The following ORC4 variants were observed in gnomAD, a reference collection of about 807,000 sequenced individuals.
ORC4 encodes origin recognition complex, subunit 4 homolog.
Under a neutral mutation model 63.9 loss-of-function variants are expected in ORC4, and 55 were observed. The ratio of observed to expected loss-of-function variants is 0.86; its 90% CI spans 0.69 to 1.08. The LOEUF is 1.08. ORC4 is among the 50% of genes least tolerant of loss of function. The pLI is 0.00. For synonymous variants in ORC4, 150 were observed against 168.5 expected (o/e 0.89, Z 0.85); for missense variants, 511 against 504.4 (o/e 1.01, Z -0.13).
chr2:147,999,625 A>T (rs1270508192), intron 1 of ORC4, among the ~76,000 whole-genome samples: 9 of 152,096 alleles, frequency 5.9e-5, no homozygotes, highest in Non-Finnish European at 1.2e-4. Flanking sequence ...ACTGACCTAA[A>T]GGCAGAAGCT....
intron 1 of ORC4, among the ~76,000 whole-genome samples, chr2:147,992,900 C>T (rs1197544339): frequency 6.6e-6 from 1 of 152,156 alleles, no homozygotes; most frequent in East Asian, 1.9e-4. Context: ...ATATATTACT[C>T]TAATGTTCCC....
At chr2:147,984,977 G>A (rs1010085413) in intron 1 of ORC4, among the ~76,000 whole-genome samples, 2 of 152,022 alleles carry the variant, frequency 1.3e-5, no homozygotes, top group African/African-American at 2.4e-5. Flanking sequence ...GCTTTCCAAG[G>A]GTTGCTTGTT....
At chr2:147,992,646 A>C (rs1235020298) in intron 1 of ORC4, among the ~76,000 whole-genome samples, 1 of 152,184 alleles carries the variant, frequency 6.6e-6, no homozygotes, top group Non-Finnish European at 1.5e-5. Flanking sequence ...TATTCAAATA[A>C]ATTTTTCCTT....
intron 4 of ORC4, among the ~76,000 whole-genome samples, chr2:147,969,486 T>C (rs959465271): frequency 2.0e-5 from 3 of 152,008 alleles, no homozygotes; most frequent in Admixed American, 6.6e-5. Flanking sequence ...AAATAAATGT[T>C]TTGAGCTATT....
chr2:148,008,109 A>G (rs1283847279), intron 1 of ORC4, among the ~76,000 whole-genome samples: 2 of 152,214 alleles, frequency 1.3e-5, no homozygotes, highest in African/African-American at 4.8e-5. Context: ...ATAAAAGCTG[A>G]GGGATTTCAT....
At chr2:147,945,344 G>A (rs952178879) in intron 9 of ORC4, among the ~76,000 whole-genome samples, 26 of 151,708 alleles carry the variant, frequency 1.7e-4, no homozygotes, top group Admixed American at 1.4e-3. Flanking sequence ...AAAAGCTATC[G>A]CCTTCTTGCT....
chr2:148,002,517 G>A (rs1362657157), intron 1 of ORC4, among the ~76,000 whole-genome samples: 1 of 152,078 alleles, frequency 6.6e-6, no homozygotes, highest in Admixed American at 6.6e-5. Context: ...TGAATACTGG[G>A]TAAATAACAA....
intron 9 of ORC4, among the ~76,000 whole-genome samples, chr2:147,946,182 C>A (rs1688650014): frequency 6.6e-6 from 1 of 151,856 alleles, no homozygotes; most frequent in South Asian, 2.1e-4. Context: ...TTTATAGACT[C>A]AATTTGAGAT....
chr2:147,987,382 G>GTGTGTGTGTA (rs1553458395), intron 1 of ORC4, among the ~76,000 whole-genome samples: 1 of 103,480 alleles, frequency 9.7e-6, no homozygotes, highest in African/African-American at 2.9e-5. Flanking sequence ...GTGTGTGTGT[G>GTGTGTGTGTA]TATATATATA....
At chr2:147,970,763 G>T (rs1690165257) in intron 4 of ORC4, among the ~76,000 whole-genome samples, 1 of 151,962 alleles carries the variant, frequency 6.6e-6, no homozygotes, top group Non-Finnish European at 1.5e-5. Flanking sequence ...CATGACTTTC[G>T]GTTTGGTGAT....
At chr2:147,954,008 C>T (rs2105302903) in intron 7 of ORC4, among the ~76,000 whole-genome samples, 1 of 151,724 alleles carries the variant, frequency 6.6e-6, no homozygotes, top group Admixed American at 6.6e-5. Context: ...CAGATCCCTA[C>T]TTTACAGGTA....
At chr2:147,958,525 C>T in intron 5 of ORC4, 142 bp from the exon 6 acceptor site, 1 of 640,210 alleles carries the variant, frequency 1.6e-6, no homozygotes, top group South Asian at 2.0e-5. Context: ...GCAATAAAGA[C>T]ATTCGGTAGA....
intron 4 of ORC4, among the ~76,000 whole-genome samples, chr2:147,972,430 C>T (rs1425529533): frequency 1.3e-5 from 2 of 151,718 alleles, no homozygotes; most frequent in African/African-American, 2.4e-5. Context: ...TTTCTTTTTC[C>T]ACTGGAAATC....
At chr2:147,960,613 C>T (rs1286718924) in intron 4 of ORC4, among the ~76,000 whole-genome samples, 1 of 133,624 alleles carries the variant, frequency 7.5e-6, no homozygotes, top group Non-Finnish European at 1.6e-5. Flanking sequence ...TTTATGCTCA[C>T]CAACTTATAC....
chr2:147,963,267 G>A (rs958139263), intron 4 of ORC4, among the ~76,000 whole-genome samples: 2 of 152,140 alleles, frequency 1.3e-5, no homozygotes, highest in African/African-American at 2.4e-5. Context: ...GGTTGCCTCT[G>A]GCAGACACTC....
intron 10 of ORC4, among the ~76,000 whole-genome samples, chr2:147,942,047 T>G (rs187786315): frequency 1.6e-3 from 244 of 152,204 alleles, no homozygotes; most frequent in Non-Finnish European, 2.8e-3. Context: ...ACTAGTAGTG[T>G]GACCTTCGGC....
chr2:147,958,404 A>T (rs1204700617), intron 5 of ORC4, 21 bp from the exon 6 acceptor site: 1 of 1,564,758 alleles, frequency 6.4e-7, no homozygotes, highest in Non-Finnish European at 8.8e-7. Flanking sequence ...GTCCATTTAA[A>T]AGTATTTAAT....
intron 5 of ORC4, 83 bp downstream of exon 5, chr2:147,958,708 A>C (rs1689405456): frequency 1.3e-6 from 1 of 740,954 alleles, no homozygotes; most frequent in African/African-American, 1.8e-5. Flanking sequence ...TCTAACTATT[A>C]AAATGGATTT....
chr2:147,940,015 A>G (rs1244754487), intron 10 of ORC4, among the ~76,000 whole-genome samples: 1 of 152,184 alleles, frequency 6.6e-6, no homozygotes, highest in Non-Finnish European at 1.5e-5. Context: ...TAATTATCCA[A>G]GAAACTCTCC....
Sources: allele counts gnomAD v4.1 joint callset (sites outside exome capture counted in the v4.1 genomes callset), GRCh38; gene constraint gnomAD v4.1.1; transcripts MANE v1.5; gene names NCBI Gene and HGNC (gene_info 2026-07-23, HGNC 2026-07-21).